The following ANO3 variants were observed in gnomAD, a reference collection of about 807,000 sequenced individuals.
ANO3 encodes the protein anoctamin 3.
Under a neutral mutation model 144.8 loss-of-function variants are expected in ANO3, and 99 were observed. The ratio of observed to expected loss-of-function variants is 0.68; its 90% CI spans 0.58 to 0.81. ANO3 has a LOEUF of 0.81. Among genes scored for constraint, ANO3 ranks in the 30% least tolerant of loss-of-function variants. ANO3 has a pLI of 0.00. For missense variants in ANO3, 905 were observed against 1,202.2 expected (o/e 0.75, Z 3.66); for synonymous variants, 414 against 392.6 (o/e 1.05, Z -0.64).
At chr11:26,235,774 C>T (rs539964814) in intron 1 of ANO3, among the ~76,000 whole-genome samples, 2 of 151,078 alleles carry the variant, frequency 1.3e-5, no homozygotes, top group East Asian at 1.9e-4. Flanking sequence ...TGTGTCGTCC[C>T]CCCACAACTA....
Position 26,643,317 on chromosome 11 carries a change from C to A in ANO3, c.2411C>A (p.Ala804Asp). The A allele has an allele frequency of 6.2e-7, 1 of 1,614,004 alleles. No individual in the cohort carries two copies. The highest frequency in any genetic ancestry group is 8.5e-7 in the Non-Finnish European group (1 of 1,179,976). Reference protein sequence around the residue: ...FVTQWRRPLPARATDIGIWLG... With the variant: ...FVTQWRRPLPDRATDIGIWLG... Reference sequence around the variant, plus strand: ...ACTCAATGGCGGAGGCCTTTGCCAGCCCGAGCAACTGACATAGGTAAGATT... The same window carrying A: ...ACTCAATGGCGGAGGCCTTTGCCAGACCGAGCAACTGACATAGGTAAGATT... Residue 804 changes from alanine to aspartate, a missense_variant, in exon 23 of 27, where the codon GCC becomes GAC. By Grantham distance (126) the Ala-to-Asp change is moderately radical. This residue lies in a region of ANO3 where 597 missense variants were observed against 865.1 expected (regional missense o/e 0.69). Coordinates refer to ENST00000256737, the MANE Select transcript of ANO3 (RefSeq NM_031418.4).
At chr11:26,307,455 C>G (rs1271043975), upstream of ANO3, among the ~76,000 whole-genome samples, 1 of 152,080 alleles carries the variant, frequency 6.6e-6, no homozygotes, top group Non-Finnish European at 1.5e-5. Flanking sequence ...AATCCCAGCA[C>G]TTTGGGAGGC....
chr11:26,451,602 C>A (rs1255767776), intron 3 of ANO3, among the ~76,000 whole-genome samples: 2 of 152,320 alleles, frequency 1.3e-5, no homozygotes, highest in East Asian at 3.9e-4. Flanking sequence ...CTGAGTGGAA[C>A]CCACCACAGC....
intron 13 of ANO3, among the ~76,000 whole-genome samples, chr11:26,555,310 A>G (rs1334110893): frequency 6.6e-6 from 1 of 152,200 alleles, no homozygotes; most frequent in Non-Finnish European, 1.5e-5. Context: ...GATTTTAGAC[A>G]TAAAACAGCC....
chr11:26,659,352 T>A (rs1853805142), intron 26 of ANO3, among the ~76,000 whole-genome samples: 2 of 146,496 alleles, frequency 1.4e-5, no homozygotes, highest in Admixed American at 7.0e-5. Flanking sequence ...TACCTTTGAG[T>A]TTTATTCCTG....
At chr11:26,305,987 T>A (rs1854370857), upstream of ANO3, among the ~76,000 whole-genome samples, 1 of 152,128 alleles carries the variant, frequency 6.6e-6, no homozygotes, top group South Asian at 2.1e-4. Flanking sequence ...AGAGTCTCGC[T>A]TCTCGCTGTC....
At chr11:26,565,504 T>C (rs1590548489) in intron 14 of ANO3, 1 of 1,613,384 alleles carries the variant, frequency 6.2e-7, no homozygotes, top group Non-Finnish European at 8.5e-7. Flanking sequence ...CAAGGCACTT[T>C]AGAAACAAAG....
At chr11:26,273,632 G>GCACACACACA (rs3220654) in intron 1 of ANO3, among the ~76,000 whole-genome samples, 9 of 140,184 alleles carry the variant, frequency 6.4e-5, no homozygotes, top group African/African-American at 1.8e-4. Context: ...TGTGGATATG[G>GCACACACACA]CACACACACA....
At chr11:26,533,900 AT>A (rs1274568471) in intron 8 of ANO3, among the ~76,000 whole-genome samples, 3 of 152,292 alleles carry the variant, frequency 2.0e-5, no homozygotes, top group Admixed American at 6.5e-5. Context: ...GGACACTTCC[AT>A]TTTTTCGAGA....
At chr11:26,660,131 T>G (rs953666034) in intron 26 of ANO3, 131 bp from the exon 27 acceptor site, 1 of 712,956 alleles carries the variant, frequency 1.4e-6, no homozygotes, top group African/African-American at 1.8e-5. Flanking sequence ...AAAATATTAA[T>G]ATTCTAAATG....
chr11:26,402,228 A>C (rs536529311), intron 1 of ANO3, among the ~76,000 whole-genome samples: 21 of 152,126 alleles, frequency 1.4e-4, no homozygotes, highest in Non-Finnish European at 2.5e-4. Context: ...CGTCTTCCAC[A>C]GTGGCTGAAC....
intron 1 of ANO3, among the ~76,000 whole-genome samples, chr11:26,244,300 A>C (rs180754824): frequency 6.6e-6 from 1 of 152,292 alleles, no homozygotes; most frequent in East Asian, 1.9e-4. Flanking sequence ...GAAATCTCTG[A>C]GTGGCTTCAG....
At chr11:26,373,993 T>C (rs968385013) in intron 1 of ANO3, among the ~76,000 whole-genome samples, 9 of 152,200 alleles carry the variant, frequency 5.9e-5, no homozygotes, top group African/African-American at 2.2e-4. Context: ...ATTTAAATCA[T>C]ATTGATAGGT....
At chr11:26,260,986 GAAT>G (rs891899038) in intron 1 of ANO3, among the ~76,000 whole-genome samples, 1 of 152,046 alleles carries the variant, frequency 6.6e-6, no homozygotes. Flanking sequence ...GCATTTAGTA[GAAT>G]AATATGTCAA....
intron 2 of ANO3, among the ~76,000 whole-genome samples, chr11:26,442,996 C>T (rs896408580): frequency 2.6e-5 from 4 of 152,106 alleles, no homozygotes; most frequent in African/African-American, 9.7e-5. Context: ...AAACTCCTGA[C>T]CTTGTGATCC....
chr11:26,343,621 A>G (rs112903358), intron 1 of ANO3, among the ~76,000 whole-genome samples: 1 of 152,220 alleles, frequency 6.6e-6, no homozygotes, highest in African/African-American at 2.4e-5. Context: ...TTTAGTACAG[A>G]CTGAACATAT....
intron 1 of ANO3, among the ~76,000 whole-genome samples, chr11:26,348,119 T>C (rs1480733170): frequency 6.6e-6 from 1 of 152,218 alleles, no homozygotes; most frequent in African/African-American, 2.4e-5. Context: ...ACTTTCCCTC[T>C]TTTCTTTCCT....
intron 3 of ANO3, among the ~76,000 whole-genome samples, chr11:26,452,773 A>G (rs1049685165): frequency 1.7e-5 from 2 of 120,086 alleles, no homozygotes; most frequent in African/African-American, 6.3e-5. Flanking sequence ...CAAGACACAT[A>G]ATTGTCAGAT....
intron 15 of ANO3, 27 bp downstream of exon 15, chr11:26,598,474 G>T: frequency 6.8e-7 from 1 of 1,472,102 alleles, no homozygotes; most frequent in South Asian, 1.2e-5. Flanking sequence ...CAAGGAAATA[G>T]GGAAACTGGG....
Sources: allele counts gnomAD v4.1 joint callset (sites outside exome capture counted in the v4.1 genomes callset), GRCh38; gene constraint gnomAD v4.1.1; regional missense constraint gnomAD v4.1.1; transcripts MANE v1.5; gene names NCBI Gene and HGNC (gene_info 2026-07-23, HGNC 2026-07-21).